GOLGA1: variants seen among roughly 807,000 people sequenced by gnomAD.
GOLGA1 encodes golgin subfamily A member 1.
A neutral mutation model predicts 119.7 loss-of-function variants in GOLGA1; 63 were observed. That is an observed-to-expected ratio of 0.53 (90% CI 0.43 to 0.65). GOLGA1 has a LOEUF of 0.65. Among genes scored for constraint, GOLGA1 ranks in the 30% least tolerant of loss-of-function variants. The pLI is 0.00. For missense variants in GOLGA1, 798 were observed against 912.8 expected (o/e 0.87, Z 1.62); for synonymous variants, 318 against 333.4 (o/e 0.95, Z 0.50).
At chr9:124,912,463 AC>A (rs1486024930) in intron 10 of GOLGA1, among the ~76,000 whole-genome samples, 1 of 152,236 alleles carries the variant, frequency 6.6e-6, no homozygotes, top group Non-Finnish European at 1.5e-5. Context: ...CACCTGGCTC[AC>A]AGGACAGGGA....
At chr9:124,931,084 G>T (rs952966880) in intron 4 of GOLGA1, among the ~76,000 whole-genome samples, 1 of 152,000 alleles carries the variant, frequency 6.6e-6, no homozygotes, top group Non-Finnish European at 1.5e-5. Flanking sequence ...TTATTTCCAT[G>T]GCTAGAAACC....
At chr9:124,935,865 T>C (rs1324254892) in intron 3 of GOLGA1, among the ~76,000 whole-genome samples, 5 of 151,096 alleles carry the variant, frequency 3.3e-5, no homozygotes, top group African/African-American at 9.8e-5. Flanking sequence ...ACCTCCAGGG[T>C]TTCTGGCTGG....
intron 12 of GOLGA1, among the ~76,000 whole-genome samples, chr9:124,904,421 T>A (rs1345808714): frequency 6.6e-6 from 1 of 152,212 alleles, no homozygotes; most frequent in Non-Finnish European, 1.5e-5. Flanking sequence ...ATTGAAATTA[T>A]AATAAAACAG....
Position 124,890,483 on chromosome 9 carries a change from A to G in GOLGA1, c.1408-5T>C, listed in dbSNP as rs1385183155. ...TTCTCTTTGGCTCCATTCTTCCTAC[A>G]ATGCAGAAAACCACTGAGCCCCAAA... On this transcript the variant is annotated splice_polypyrimidine_tract_variant and splice_region_variant and intron_variant, in intron 15 of 22. Transcript: ENST00000373555. 6.2e-7 allele frequency: 1 copy of G among 1,608,098 alleles called. No homozygotes were observed. Among genetic ancestry groups the G allele is most frequent in the East Asian group, 2.2e-5 (1 of 44,846 alleles).
rs570171501 is a variant in GOLGA1 at position 124,881,105 on chromosome 9, A to G, written c.2223+66T>C. On this transcript the variant is annotated intron_variant, in intron 22 of 22. Transcript: ENST00000373555. This position sits in a 1 kb window ranked among gnomAD's most constrained non-coding sequence, Gnocchi z 4.9. ...CGGGTGTGGGTCTAAGGGGTCTTAC[A>G]CTGCTACTGCTGGGATAACTGACAA... 3.4e-6 allele frequency: 3 copies of G among 880,038 alleles called. No homozygotes were observed. The highest frequency in any genetic ancestry group is 2.4e-5 in the East Asian group (1 of 41,718). The allele number at this position is 880,038 out of a possible 1,614,324, so 54.5% of individuals were successfully genotyped here. A position where few individuals can be genotyped will look rare whatever the true frequency, so the allele number is the denominator to read the frequency against.
chr9:124,895,427 GAACCCTCCACAACAGAC>G lies in GOLGA1; in HGVS notation c.1407+3105_1407+3121del, dbSNP rs1281317241. 9.6e-5 allele frequency among the ~76,000 whole-genome samples: 13 copies of G among 135,284 alleles called. No homozygotes were observed. In the East Asian group the frequency reaches 1.7e-3, roughly 17 times the overall value. 88.8% of individuals were successfully genotyped at this position (135,284 alleles called of 152,430 possible). On this transcript the variant is annotated intron_variant, in intron 15 of 22. Transcript: ENST00000373555. ...CACAACAGAGACGCTCCACAACAGA[GAACCCTCCACAACAGAC>G]AACCCTCCACAACAGAGAACCCTCC...
chr9:124,929,291 C>T lies in GOLGA1; in HGVS notation c.227-1G>A. On this transcript the variant is annotated splice_acceptor_variant, in intron 4 of 22. Coordinates refer to ENST00000373555, the MANE Select transcript of GOLGA1 (RefSeq NM_002077.4). LOFTEE classifies it high-confidence loss of function. The stretch of plus-strand genomic sequence containing the variant: ...AAGTTTCGGACCTGTTCAGCATAGT[C>T]TTGGGTGAGGAGGGTGACGCACATA... 1.3e-6 allele frequency: 2 copies of T among 1,598,860 alleles called. No individual in the cohort carries two copies.
Position 124,889,275 on chromosome 9 carries a change from G to A in GOLGA1, c.1629C>T (p.His543=), listed in dbSNP as rs200736216. ...RGHNSALLQI[H]QLQAELEALR... ...GGGCCTCCAGCTCGGCCTGCAGCTG[G>A]TGTATCTGCAGCAGGGCAGAGTTGT... The change falls in exon 18 of 23, where the codon CAC becomes CAT. Residue 543 remains histidine, a synonymous_variant. Transcript: ENST00000373555. 8.5e-5 allele frequency: 137 copies of A among 1,613,918 alleles called. 1 individual carries two copies. The Middle Eastern group carries it at 1.8e-3, about 21-fold the overall frequency.
In GOLGA1 at chr9:124,881,150, C is replaced by G; in HGVS notation, c.2223+21G>C. On this transcript the variant is annotated intron_variant, in intron 22 of 22. Transcript: ENST00000373555. The surrounding 1 kb of genome is among the most constrained non-coding windows in gnomAD (Gnocchi z 4.9). ...TGACAACGTATCTTGGAAGCTGGAA[C>G]AGTAGACCAGAGAACCCTACCTTAT... The G allele has an allele frequency of 7.9e-7, 1 of 1,264,068 alleles. No homozygotes were observed. Among genetic ancestry groups the G allele is most frequent in the Non-Finnish European group, 1.2e-6 (1 of 858,720 alleles). The allele number at this position is 1,264,068 out of a possible 1,614,324, so 78.3% of individuals were successfully genotyped here.
chr9:124,882,532 C>T lies in GOLGA1; in HGVS notation c.1943G>A (p.Arg648Gln), dbSNP rs1037686315. The change falls in exon 20 of 23, where the codon CGG becomes CAG. Residue 648 changes from arginine (R) to glutamine (Q), a missense_variant. By Grantham distance (43) the Arg-to-Gln change is conservative. Transcript: ENST00000373555. Reference sequence around the variant, plus strand: ...CACCAGCTCCTTCTGCAGAGTCTTCCGGAGCTCCAGCATCCGCTGCTGCAT... The same window carrying T: ...CACCAGCTCCTTCTGCAGAGTCTTCTGGAGCTCCAGCATCCGCTGCTGCAT... ...KQMQQRMLEL[R>Q]KTLQKELKIR... is the part of the protein sequence containing the mutation. 3.7e-6 allele frequency: 6 copies of T among 1,612,564 alleles called. No homozygotes were observed. The highest frequency in any genetic ancestry group is 1.1e-5 in the South Asian group (1 of 90,982).
At chr9:124,882,607 GATGC>G in intron 19 of GOLGA1, 38 bp from the exon 20 acceptor site, 1 of 1,537,692 alleles carries the variant, frequency 6.5e-7, no homozygotes, top group Non-Finnish European at 9.0e-7. Flanking sequence ...CCAATCGTTA[GATGC>G]ATGTTTCACC....
chr9:124,914,421 A>G (rs1830400074), intron 10 of GOLGA1, among the ~76,000 whole-genome samples: 2 of 152,278 alleles, frequency 1.3e-5, no homozygotes, highest in South Asian at 4.1e-4. Flanking sequence ...GAACGGCGTG[A>G]ACCTGGGAGG....
intron 3 of GOLGA1, among the ~76,000 whole-genome samples, chr9:124,935,353 T>G (rs1830844049): frequency 6.6e-6 from 1 of 152,218 alleles, no homozygotes; most frequent in African/African-American, 2.4e-5. Context: ...TAAACAAAGT[T>G]GTGTTAAGTA....
chr9:124,890,353 G>A, intron 16 of GOLGA1, 36 bp downstream of exon 16: 4 of 1,387,124 alleles, frequency 2.9e-6, no homozygotes, highest in South Asian at 1.2e-5. Flanking sequence ...TGGGACTGCA[G>A]GGGGACATCG....
At chr9:124,883,844 T>G (rs1212227040) in intron 19 of GOLGA1, among the ~76,000 whole-genome samples, 1 of 151,996 alleles carries the variant, frequency 6.6e-6, no homozygotes, top group African/African-American at 2.4e-5. Flanking sequence ...CACTTCAACC[T>G]CCCGAGTAGC....
chr9:124,931,438 CAT>C (rs200116770), intron 3 of GOLGA1, 32 bp from the exon 4 acceptor site: 12,719 of 1,050,064 alleles, frequency 0.012, 118 homozygotes, highest in Middle Eastern at 0.02. Context: ...AGGTCGTATT[CAT>C]ATATGTGTGA....
At chr9:124,906,122 A>AAT (rs1830226172) in intron 12 of GOLGA1, among the ~76,000 whole-genome samples, 1 of 150,088 alleles carries the variant, frequency 6.7e-6, no homozygotes, top group Non-Finnish European at 1.5e-5. Flanking sequence ...CCAAAAAATA[A>AAT]ATAAATAAAT....
chr9:124,882,001 G>C, intron 20 of GOLGA1, 47 bp from the exon 21 acceptor site: 1 of 1,424,558 alleles, frequency 7.0e-7, no homozygotes, highest in East Asian at 2.4e-5. Context: ...TCTGAGACAG[G>C]TGGAAAAAAT....
At chr9:124,885,250 C>T (rs1033733663) in intron 19 of GOLGA1, among the ~76,000 whole-genome samples, 9 of 151,936 alleles carry the variant, frequency 5.9e-5, no homozygotes, top group Non-Finnish European at 1.2e-4. Flanking sequence ...ATTGTTTGAA[C>T]CCGGGAGGCG....
Sources: allele counts gnomAD v4.1 joint callset (sites outside exome capture counted in the v4.1 genomes callset), GRCh38; gene constraint gnomAD v4.1.1; non-coding constraint Gnocchi (gnomAD v3.1); transcripts MANE v1.5; gene names NCBI Gene and HGNC (gene_info 2026-07-23, HGNC 2026-07-21).